Variants in CEACAM5 observed in about 807,000 individuals in gnomAD.
CEACAM5 encodes CEA cell adhesion molecule 5.
In CEACAM5, 52 loss-of-function variants were observed where a neutral mutation model predicts 63.0. That is an observed-to-expected ratio of 0.83 (90% CI 0.66 to 1.04). The LOEUF is 1.04. Ranked by LOEUF, CEACAM5 falls within the 50% of genes least tolerant of loss-of-function variation. The pLI is 0.00. For synonymous variants in CEACAM5, 357 were observed against 351.3 expected, an observed-to-expected ratio of 1.02 and a Z score of -0.18; for missense variants, 790 against 864.8, an observed-to-expected ratio of 0.91 and a Z score of 1.08.
intron 8 of CEACAM5, among the ~76,000 whole-genome samples, chr19:41,721,721 G>A (rs1484861644): frequency 2.0e-5 from 3 of 152,262 alleles, no homozygotes; most frequent in South Asian, 2.1e-4. Context: ...GGGGCATGTG[G>A]AGAAGGTGTC....
chr19:41,717,424 C>T lies in CEACAM5; in HGVS notation c.959-31C>T, dbSNP rs782196492. The T allele has an allele frequency of 1.0e-5, 16 of 1,594,234 alleles. No homozygotes were observed. In the South Asian group the frequency reaches 1.7e-4, roughly 17 times the overall value. ...CCGTGGAGGAATCACAGGTGCCACA[C>T]AGGGCAATCTTCTCTCTGTTATCTG... On this transcript the variant is annotated intron_variant, in intron 4 of 9. Transcript: ENST00000221992.
At position 41,715,868 on chromosome 19, in the gene CEACAM5, C is replaced by T. The variant is rs1463289577; in HGVS notation, c.922C>T (p.Leu308Phe). 1 of 1,614,176 alleles carries T rather than the reference C, an allele frequency of 6.2e-7. No homozygotes were observed. Among genetic ancestry groups the T allele is most frequent in the South Asian group, 1.1e-5 (1 of 91,070 alleles). Residue 308 changes from leucine to phenylalanine, a missense_variant, in exon 4 of 10, where the codon CTC becomes TTC. Transcript: ENST00000221992. ...CCAAGCCCATAACTCAGACACTGGC[C>T]TCAATAGGACCACAGTCACGACGAT... is the stretch of plus-strand genomic sequence containing the variant. ...TCQAHNSDTG[L>F]NRTTVTTITV... is the part of the protein sequence containing the mutation.
intron 8 of CEACAM5, among the ~76,000 whole-genome samples, chr19:41,722,886 CT>C (rs1168806853): frequency 8.0e-5 from 12 of 150,904 alleles, no homozygotes; most frequent in Admixed American, 1.3e-4. Context: ...AATGTTAATT[CT>C]TTTTTTTGTT....
rs1303703985 is a variant in CEACAM5 at position 41,708,640 on chromosome 19, C to G, written c.-92C>G. 39 of 1,127,016 alleles carry G rather than the reference C, an allele frequency of 3.5e-5. No homozygotes were observed. The highest frequency in any genetic ancestry group is 5.1e-5 in the Non-Finnish European group (39 of 757,358). The allele number at this position is 1,127,016 out of a possible 1,614,324, so 69.8% of individuals were successfully genotyped here. ...AGACTCAGGGCAGAGGGAGGAAGGA[C>G]AGCAGACCAGACAGTCACAGCAGCC... On this transcript the variant is annotated 5_prime_UTR_variant, in exon 1 of 10. Transcript: ENST00000221992.
intron 5 of CEACAM5, 93 bp from the exon 6 acceptor site, chr19:41,718,035 T>G: frequency 6.8e-7 from 1 of 1,476,838 alleles, no homozygotes; most frequent in Non-Finnish European, 9.3e-7. Flanking sequence ...GATTGTGACT[T>G]GGCTCAGGGG....
chr19:41,710,240 A>C (rs1015428769), intron 2 of CEACAM5, among the ~76,000 whole-genome samples: 1 of 152,126 alleles, frequency 6.6e-6, no homozygotes, highest in Non-Finnish European at 1.5e-5. Context: ...CCCTGCAGAC[A>C]CTCACTGCAG....
intron 8 of CEACAM5, among the ~76,000 whole-genome samples, chr19:41,726,569 GA>G (rs1205238871): frequency 6.6e-6 from 1 of 152,158 alleles, no homozygotes; most frequent in Non-Finnish European, 1.5e-5. Flanking sequence ...TTACCGGGGG[GA>G]ACCACCATGA....
intron 8 of CEACAM5, among the ~76,000 whole-genome samples, chr19:41,721,705 G>A (rs2072624934): frequency 6.6e-6 from 1 of 152,256 alleles, no homozygotes; most frequent in South Asian, 2.1e-4. Context: ...CACTTGGGGT[G>A]GGACCGGGGC....
chr19:41,718,165 C>T lies in CEACAM5; in HGVS notation c.1275C>T (p.Thr425=). 2 of 1,614,224 alleles carry T rather than the reference C, an allele frequency of 1.2e-6. No homozygotes were observed. The highest frequency in any genetic ancestry group is 2.2e-5 in the East Asian group (1 of 44,886). ...ACCCCACCATTTCCCCCTCATACAC[C>T]TATTACCGTCCAGGGGTGAACCTCA... ...PDDPTISPSY[T]YYRPGVNLSL... is the part of the protein sequence containing the mutation. The change falls in exon 6 of 10, where the codon ACC becomes ACT. Residue 425 remains threonine (T), a synonymous_variant. Transcript: ENST00000221992.
intron 4 of CEACAM5, 143 bp downstream of exon 4, chr19:41,716,047 C>A: frequency 2.2e-6 from 2 of 909,444 alleles, no homozygotes; most frequent in South Asian, 1.7e-5. Flanking sequence ...TGAACCTCCC[C>A]AATATGTCTC....
chr19:41,717,118 AG>A (rs1211131671), intron 4 of CEACAM5, among the ~76,000 whole-genome samples: 1 of 152,248 alleles, frequency 6.6e-6, no homozygotes, highest in Non-Finnish European at 1.5e-5. Context: ...TTCAAATTCC[AG>A]GTGAGGACCC....
At chr19:41,730,469 T>C (rs1299684034), downstream of CEACAM5, among the ~76,000 whole-genome samples, 1 of 151,804 alleles carries the variant, frequency 6.6e-6, no homozygotes, top group Non-Finnish European at 1.5e-5. Context: ...GCTGCAGTTA[T>C]GAAAAGAATG....
downstream of CEACAM5, among the ~76,000 whole-genome samples, chr19:41,730,436 C>A (rs1470487869): frequency 4.6e-5 from 6 of 130,884 alleles, no homozygotes; most frequent in Non-Finnish European, 6.5e-5. Context: ...AAAAAAAAGT[C>A]TATGTGGTCA....
Position 41,709,858 on chromosome 19 carries a change from A to G in CEACAM5, c.243A>G (p.Gly81=). ...ERVDGNRQII[G]YVIGTQQATP... is the part of the protein sequence containing the mutation. Reference sequence around the variant, plus strand: ...TGGATGGCAACCGTCAAATTATAGGATATGTAATAGGAACTCAACAAGCTA... The same window carrying G: ...TGGATGGCAACCGTCAAATTATAGGGTATGTAATAGGAACTCAACAAGCTA... The change falls in exon 2 of 10, where the codon GGA becomes GGG. Residue 81 remains glycine, a synonymous_variant. Coordinates refer to ENST00000221992, the MANE Select transcript of CEACAM5 (RefSeq NM_004363.6). The G allele has an allele frequency of 6.2e-7, 1 of 1,614,022 alleles. No individual in the cohort carries two copies. The highest frequency in any genetic ancestry group is 8.5e-7 in the Non-Finnish European group (1 of 1,180,000).
rs1600471642 is a variant in CEACAM5 at position 41,720,799 on chromosome 19, C to T, written c.1772-123C>T. 10 of 1,323,984 alleles carry T rather than the reference C, an allele frequency of 7.6e-6. No homozygotes were observed. The East Asian group carries it at 9.2e-5, about 12-fold the overall frequency. The allele number at this position is 1,323,984 out of a possible 1,614,324, so 82.0% of individuals were successfully genotyped here. Reference sequence around the variant, plus strand: ...ACAGGCGTGAGCCACCGCACCCGGCCGATTTGGACTTTTTAACACAGGATT... The same window carrying T: ...ACAGGCGTGAGCCACCGCACCCGGCTGATTTGGACTTTTTAACACAGGATT... On this transcript the variant is annotated intron_variant, in intron 7 of 9. Coordinates refer to ENST00000221992, the MANE Select transcript of CEACAM5 (RefSeq NM_004363.6).
chr19:41,709,851 T>G lies in CEACAM5; in HGVS notation c.236T>G (p.Ile79Ser), dbSNP rs1555813704. Residue 79 changes from isoleucine to serine, a missense_variant, in exon 2 of 10, where the codon ATT becomes AGT. Coordinates refer to ENST00000221992, the MANE Select transcript of CEACAM5 (RefSeq NM_004363.6). ...KGERVDGNRQ[I>S]IGYVIGTQQA... The stretch of plus-strand genomic sequence containing the variant: ...GAAAGAGTGGATGGCAACCGTCAAA[T>G]TATAGGATATGTAATAGGAACTCAA... The G allele has an allele frequency of 6.2e-7, 1 of 1,614,048 alleles. No individual in the cohort carries two copies. Among genetic ancestry groups the G allele is most frequent in the East Asian group, 2.2e-5 (1 of 44,880 alleles).
intron 2 of CEACAM5, among the ~76,000 whole-genome samples, chr19:41,711,486 G>A (rs1337751042): frequency 6.6e-6 from 1 of 152,112 alleles, no homozygotes; most frequent in African/African-American, 2.4e-5. Context: ...GCAGAATCCT[G>A]GGAGGTTCTG....
At chr19:41,711,078 T>C (rs1161724115) in intron 2 of CEACAM5, among the ~76,000 whole-genome samples, 1 of 152,162 alleles carries the variant, frequency 6.6e-6, no homozygotes. Flanking sequence ...TTGTTAGGCA[T>C]CTGCATCTGA....
Position 41,727,364 on chromosome 19 carries a change from G to C in CEACAM5, c.*36+12G>C, listed in dbSNP as rs782621493. ...TTTCAGGAAGACTGGTAGGTATAAT[G>C]GCCTTTCCTCTTGTTCTGTTTCCTG... On this transcript the variant is annotated intron_variant, in intron 9 of 9. Transcript: ENST00000221992. 13 of 1,320,698 alleles carry C rather than the reference G, an allele frequency of 9.8e-6. No homozygotes were observed. The highest frequency in any genetic ancestry group is 1.7e-5 in the Admixed American group (1 of 57,646). 81.8% of individuals were successfully genotyped at this position (1,320,698 alleles called of 1,614,324 possible).
Sources: allele counts gnomAD v4.1 joint callset (sites outside exome capture counted in the v4.1 genomes callset), GRCh38; gene constraint gnomAD v4.1.1; transcripts MANE v1.5; gene names NCBI Gene and HGNC (gene_info 2026-07-23, HGNC 2026-07-21).